FBXL17: variants seen among roughly 807,000 people sequenced by gnomAD.
FBXL17 encodes F-box/LRR-repeat protein 17.
Under a neutral mutation model 66.2 loss-of-function variants are expected in FBXL17, and 22 were observed. The ratio of observed to expected loss-of-function variants is 0.33; its 90% CI spans 0.24 to 0.47. FBXL17 has a LOEUF of 0.47. Among genes scored for constraint, FBXL17 ranks in the 20% least tolerant of loss-of-function variants. FBXL17 has a pLI of 1.00. For missense variants in FBXL17, 878 were observed against 948.2 expected (o/e 0.93, Z 0.97); for synonymous variants, 474 against 400.5 (o/e 1.18, Z -2.19).
At chr5:108,356,087 A>T (rs1420205349) in intron 3 of FBXL17, among the ~76,000 whole-genome samples, 3 of 151,890 alleles carry the variant, frequency 2.0e-5, no homozygotes, top group East Asian at 1.9e-4. Context: ...AAGTAGCTAC[A>T]TTAATTTCAG....
At chr5:108,275,889 T>C (rs1757463540) in intron 4 of FBXL17, among the ~76,000 whole-genome samples, 1 of 152,170 alleles carries the variant, frequency 6.6e-6, no homozygotes, top group Non-Finnish European at 1.5e-5. Context: ...CCATTTACTA[T>C]CACAGAATCA....
intron 5 of FBXL17, among the ~76,000 whole-genome samples, chr5:108,191,103 T>C (rs964669064): frequency 2.0e-5 from 3 of 152,260 alleles, no homozygotes; most frequent in Non-Finnish European, 4.4e-5. Flanking sequence ...CTTGTAGCTA[T>C]ATGCATATGT....
rs986351404 is a variant in FBXL17 at position 108,381,284 on chromosome 5, C to T, written c.408G>A (p.Ser136=). The change falls in exon 1 of 9, where the codon TCG becomes TCA. Residue 136 remains serine (S), a synonymous_variant. Transcript: ENST00000542267. ...CCAACTCTTTGCAGCAGGAGGCGGG[C>T]GACGAAGCCGAGGCGGCAGCGGCGG... ...AAAAAAASAS[S]PASCCKELGL... is the part of the protein sequence containing the mutation. 4.2e-6 allele frequency: 6 copies of T among 1,413,782 alleles called. No homozygotes were observed. Among genetic ancestry groups the T allele is most frequent in the East Asian group, 6.1e-5 (2 of 32,612 alleles). 87.6% of individuals were successfully genotyped at this position (1,413,782 alleles called of 1,614,324 possible).
intron 7 of FBXL17, among the ~76,000 whole-genome samples, chr5:107,932,526 T>C (rs913947381): frequency 1.3e-5 from 2 of 152,184 alleles, no homozygotes; most frequent in Admixed American, 6.5e-5. Context: ...GTGCTGACCA[T>C]TGTCCACTGA....
intron 1 of FBXL17, among the ~76,000 whole-genome samples, chr5:108,371,364 T>C (rs927319449): frequency 6.6e-6 from 1 of 152,206 alleles, no homozygotes; most frequent in Non-Finnish European, 1.5e-5. Context: ...GCAGCACAGG[T>C]GGCTGTATCT....
intron 4 of FBXL17, among the ~76,000 whole-genome samples, chr5:108,319,990 GA>G (rs1759542767): frequency 6.6e-6 from 1 of 151,574 alleles, no homozygotes; most frequent in Non-Finnish European, 1.5e-5. Context: ...ACTCAATTTT[GA>G]AATTTTAAAC....
intron 7 of FBXL17, among the ~76,000 whole-genome samples, chr5:108,018,146 G>A (rs76842516): frequency 0.013 from 2,007 of 152,180 alleles, 44 homozygotes; most frequent in African/African-American, 0.046. Flanking sequence ...GCTTGAATAC[G>A]AGTAAAGCAA....
At chr5:107,903,209 AT>A (rs1749635437) in intron 7 of FBXL17, among the ~76,000 whole-genome samples, 1 of 152,096 alleles carries the variant, frequency 6.6e-6, no homozygotes, top group African/African-American at 2.4e-5. Flanking sequence ...ATTCTACATT[AT>A]TTTTTGCTTT....
chr5:107,936,603 G>A (rs1225135806), intron 7 of FBXL17, among the ~76,000 whole-genome samples: 1 of 151,770 alleles, frequency 6.6e-6, no homozygotes, highest in Non-Finnish European at 1.5e-5. Context: ...TGACTGATGT[G>A]TTACACAAAG....
chr5:108,104,512 T>C (rs1184589498), intron 6 of FBXL17, among the ~76,000 whole-genome samples: 2 of 152,220 alleles, frequency 1.3e-5, no homozygotes, highest in African/African-American at 2.4e-5. Context: ...ACTTATTGAG[T>C]ACCTCCTACA....
chr5:107,939,293 G>A (rs1010116232), intron 7 of FBXL17, among the ~76,000 whole-genome samples: 4 of 151,974 alleles, frequency 2.6e-5, no homozygotes, highest in Admixed American at 1.3e-4. Flanking sequence ...ATAATTCTCC[G>A]TTATCACAGT....
Position 108,381,478 on chromosome 5 carries a change from C to T in FBXL17, c.214G>A (p.Ala72Thr). The change falls in exon 1 of 9, where the codon GCC becomes ACC. Residue 72 changes from alanine to threonine, a missense_variant. Ala to Thr is a moderately conservative substitution (Grantham distance 58). Transcript: ENST00000542267. Reference sequence around the variant, plus strand: ...GGCTCCTCCTCTGGGCCGGCGGGGGCGGGCGCGCCGGGACTGTGCACGATG... The same window carrying T: ...GGCTCCTCCTCTGGGCCGGCGGGGGTGGGCGCGCCGGGACTGTGCACGATG... ...CFIVHSPGAP[A>T]PAGPEEEPPL... 4 of 1,320,990 alleles carry T rather than the reference C, an allele frequency of 3.0e-6. No individual in the cohort carries two copies. The highest frequency in any genetic ancestry group is 3.8e-6 in the Non-Finnish European group (4 of 1,041,832). 81.8% of individuals were successfully genotyped at this position (1,320,990 alleles called of 1,614,324 possible). A position where few individuals can be genotyped will look rare whatever the true frequency, so the allele number is the denominator to read the frequency against.
rs1286436226 is a variant in FBXL17 at position 108,051,600 on chromosome 5, TAA to T, written c.1746-30601_1746-30600del. Among the ~76,000 whole-genome samples, 4 of 152,116 alleles carry T rather than the reference TAA, an allele frequency of 2.6e-5. No homozygotes were observed. In the South Asian group the frequency reaches 8.3e-4, roughly 31 times the overall value. ...ATTGATGAAACATATGTCAAAATAA[TAA>T]GAGCTACTTACAACAAACACACAGG... On this transcript the variant is annotated intron_variant, in intron 6 of 8. Coordinates refer to ENST00000542267, the MANE Select transcript of FBXL17 (RefSeq NM_001163315.3).
At chr5:108,329,643 A>T (rs1336183484) in intron 4 of FBXL17, among the ~76,000 whole-genome samples, 1 of 152,206 alleles carries the variant, frequency 6.6e-6, no homozygotes, top group Non-Finnish European at 1.5e-5. Context: ...TTTATAAAAA[A>T]TTATCAGAAC....
intron 6 of FBXL17, among the ~76,000 whole-genome samples, chr5:108,142,083 A>G (rs1751371290): frequency 1.3e-5 from 2 of 152,258 alleles, no homozygotes; most frequent in Admixed American, 6.5e-5. Flanking sequence ...ACTTAAAAGC[A>G]TATGTTTTCA....
chr5:107,944,561 T>C (rs1751219034), intron 7 of FBXL17, among the ~76,000 whole-genome samples: 1 of 152,176 alleles, frequency 6.6e-6, no homozygotes, highest in Admixed American at 6.6e-5. Context: ...ATGTTGGTAG[T>C]TGTTAAGTAA....
At chr5:108,330,026 T>G (rs1439133932) in intron 4 of FBXL17, among the ~76,000 whole-genome samples, 1 of 152,180 alleles carries the variant, frequency 6.6e-6, no homozygotes, top group Admixed American at 6.5e-5. Context: ...GTGGTTAGTA[T>G]TCAATAAATA....
intron 6 of FBXL17, among the ~76,000 whole-genome samples, chr5:108,161,504 A>AAAC (rs1335103933): frequency 6.6e-6 from 1 of 151,908 alleles, no homozygotes. Context: ...AAACAAAAAA[A>AAAC]CCCACACAAA....
chr5:108,118,799 G>C (rs1033765755), intron 6 of FBXL17, among the ~76,000 whole-genome samples: 1 of 152,012 alleles, frequency 6.6e-6, no homozygotes, highest in Non-Finnish European at 1.5e-5. Context: ...GCTATGTTCT[G>C]GACACATCCA....
Sources: gnomAD v4.1 joint callset for allele counts (sites outside exome capture counted in the v4.1 genomes callset) on GRCh38, gnomAD v4.1.1 for gene constraint, MANE v1.5 for transcripts, NCBI Gene and HGNC (gene_info 2026-07-23, HGNC 2026-07-21) for gene names.